USP33: variants seen among roughly 807,000 people sequenced by gnomAD.
The protein encoded by USP33 is ubiquitin specific peptidase 33.
USP33 carries 46 observed loss-of-function variants against 124.2 expected under a neutral mutation model. The observed-to-expected ratio is 0.37, with a 90% CI of 0.29 to 0.47. USP33 has a LOEUF of 0.47. Among genes scored for constraint, USP33 ranks in the 20% least tolerant of loss-of-function variants. The pLI, the probability that USP33 is intolerant of heterozygous loss-of-function variation, is 0.99. For synonymous variants in USP33, 350 were observed against 352.3 expected (o/e 0.99, Z 0.07); for missense variants, 851 against 1,070.6 (o/e 0.79, Z 2.86).
intron 21 of USP33, among the ~76,000 whole-genome samples, chr1:77,710,541 C>T (rs1675129662): frequency 6.6e-6 from 1 of 152,092 alleles, no homozygotes; most frequent in African/African-American, 2.4e-5. Flanking sequence ...GCAAATGAAG[C>T]CCATGTAAAA....
chr1:77,730,850 CT>C, intron 7 of USP33, 119 bp from the exon 8 acceptor site: 1 of 566,798 alleles, frequency 1.8e-6, no homozygotes, highest in Non-Finnish European at 2.8e-6. Flanking sequence ...TCTTTGATCC[CT>C]CTTACAGCTT....
intron 19 of USP33, 33 bp downstream of exon 19, chr1:77,714,581 T>A: frequency 6.3e-7 from 1 of 1,580,438 alleles, no homozygotes; most frequent in Non-Finnish European, 8.6e-7. Flanking sequence ...ACAGCAAACT[T>A]CTACTACCGG....
At chr1:77,709,868 T>C (rs539645694) in intron 21 of USP33, among the ~76,000 whole-genome samples, 2 of 138,382 alleles carry the variant, frequency 1.4e-5, no homozygotes, top group South Asian at 5.4e-4. Flanking sequence ...CAAGTTTCTA[T>C]ACATGCATAC....
chr1:77,714,713 G>A lies in USP33; in HGVS notation c.2116C>T (p.Leu706Phe), dbSNP rs1675667261. The A allele has an allele frequency of 6.2e-7, 1 of 1,612,922 alleles. No individual in the cohort carries two copies. The highest frequency in any genetic ancestry group is 2.2e-5 in the East Asian group (1 of 44,842). The change falls in exon 19 of 24, where the codon CTC becomes TTC. Residue 706 changes from leucine (L) to phenylalanine (F), a missense_variant. Around this residue, in one of 4 missense-constraint regions of USP33, gnomAD observed 281 missense variants for 425.0 expected, o/e 0.66. Transcript: ENST00000370794. ...SNLLNIMEPSLLQFYISRQWL... is the reference protein window; with the variant it reads ...SNLLNIMEPSFLQFYISRQWL... ...TGTCGAGAAATATAAAACTGAAGGA[G>A]GCTTGGTTCCATTATGTTCAATAAA...
chr1:77,732,551 A>T (rs2101489795), intron 7 of USP33, among the ~76,000 whole-genome samples: 2 of 152,304 alleles, frequency 1.3e-5, no homozygotes, highest in Middle Eastern at 3.4e-3. Context: ...ATGGTATCGT[A>T]CTACTATGAG....
Position 77,739,316 on chromosome 1 carries a change from A to G in USP33, c.300T>C (p.Pro100=), listed in dbSNP as rs116240705. 1,159 of 1,613,928 alleles carry G rather than the reference A, an allele frequency of 7.2e-4. 6 individuals are homozygous for G. The African/African-American group carries it at 0.012, about 17-fold the overall frequency. The stretch of plus-strand genomic sequence containing the variant: ...GAGGTTGTCTTACATGAGGCAATGA[A>G]GGCTGAGTTCCTAATTTCCTATCCA... ...VFLDRKLGTQ[P]SLPHVRQPHQ... The change falls in exon 5 of 24, where the codon CCT becomes CCC. Residue 100 remains proline (P), a synonymous_variant. Transcript: ENST00000370794.
rs1228468579 is a variant in USP33, at chr1:77,746,055, GAC to G, written c.-51-4309_-51-4308del. ...TCAGAGCAGAACTGAAGGAAATAGA[GAC>G]ACAAAAAACCCTTCAAAAAATTAAT... On this transcript the variant is annotated intron_variant, in intron 1 of 23. Transcript: ENST00000370794. 4.0e-5 allele frequency among the ~76,000 whole-genome samples: 6 copies of G among 151,836 alleles called. No individual in the cohort carries two copies. The South Asian group carries it at 1.0e-3, about 26-fold the overall frequency.
intron 14 of USP33, 74 bp downstream of exon 14, chr1:77,721,757 C>T (rs1175649317): frequency 7.4e-7 from 1 of 1,358,500 alleles, no homozygotes; most frequent in African/African-American, 1.5e-5. Context: ...TTTATGAATA[C>T]ACTTTATTAT....
chr1:77,713,265 T>C lies in USP33; in HGVS notation c.2232A>G (p.Lys744=). 4.5e-6 allele frequency: 7 copies of C among 1,572,072 alleles called. No homozygotes were observed. The highest frequency in any genetic ancestry group is 6.0e-6 in the Non-Finnish European group (7 of 1,167,634). ...LCIHGGVPPR[K]AGYIEDLVLM... ...AAACCAGGTCTTCAATATAACCAGC[T>C]TTTCTTGGAGGAACACCTAAAAAAA... Residue 744 remains lysine, a synonymous_variant, in exon 20 of 24, where the codon AAA becomes AAG. Transcript: ENST00000370794.
chr1:77,728,346 C>A lies in USP33; in HGVS notation c.1084G>T (p.Asp362Tyr). The A allele has an allele frequency of 6.2e-7, 1 of 1,608,386 alleles. No individual in the cohort carries two copies. The highest frequency in any genetic ancestry group is 1.1e-5 in the South Asian group (1 of 89,220). ...TTGACAGTTTCCTGGTTGTTTAAGT[C>A]GACTGTTTCAGATATAGAGTCTCTA... ...KDRDSISETV[D>Y]LNNQETVKVQ... The change falls in exon 10 of 24, where the codon GAC (aspartate) becomes TAC (tyrosine). Residue 362 changes from aspartate (D) to tyrosine (Y), a missense_variant. Asp to Tyr is a radical substitution (Grantham distance 160, BLOSUM62 -3). Transcript: ENST00000370794.
intron 1 of USP33, among the ~76,000 whole-genome samples, chr1:77,755,365 T>G (rs1410872697): frequency 6.6e-6 from 1 of 152,222 alleles, no homozygotes; most frequent in Non-Finnish European, 1.5e-5. Flanking sequence ...TAATCAAAAC[T>G]GATTCATCTA....
At chr1:77,725,532 ATAAT>A in intron 11 of USP33, 86 bp downstream of exon 11, 1 of 1,465,376 alleles carries the variant, frequency 6.8e-7, no homozygotes, top group African/African-American at 1.4e-5. Context: ...ATCATATTTC[ATAAT>A]TAACACTTTA....
chr1:77,721,654 T>C (rs1314964608), intron 14 of USP33, 177 bp downstream of exon 14: 2 of 571,712 alleles, frequency 3.5e-6, no homozygotes, highest in Non-Finnish European at 6.1e-6. Flanking sequence ...TCCTTCAGGA[T>C]GTGATTTTTC....
At chr1:77,743,348 A>T (rs1318428512) in intron 1 of USP33, among the ~76,000 whole-genome samples, 1 of 152,208 alleles carries the variant, frequency 6.6e-6, no homozygotes, top group East Asian at 1.9e-4. Flanking sequence ...ACATGTGCAC[A>T]ATGTGCAGGT....
chr1:77,710,423 T>C (rs1557820032), intron 21 of USP33, among the ~76,000 whole-genome samples: 1 of 152,246 alleles, frequency 6.6e-6, no homozygotes, highest in African/African-American at 2.4e-5. Flanking sequence ...TTAGAATAGC[T>C]ACTATTAATC....
intron 14 of USP33, 111 bp from the exon 15 acceptor site, chr1:77,721,316 A>T: frequency 8.4e-7 from 1 of 1,194,768 alleles, no homozygotes; most frequent in Non-Finnish European, 1.2e-6. Context: ...CAGAAAAACA[A>T]GGTTCCATTT....
At chr1:77,723,554 A>C in intron 11 of USP33, 111 bp from the exon 12 acceptor site, 1 of 675,904 alleles carries the variant, frequency 1.5e-6, no homozygotes, top group Non-Finnish European at 2.4e-6. Flanking sequence ...AGAATCCTTA[A>C]ACTGTAAAAA....
intron 1 of USP33, 160 bp downstream of exon 1, chr1:77,759,483 C>T (rs959697593): frequency 5.3e-5 from 21 of 396,694 alleles, no homozygotes; most frequent in African/African-American, 2.9e-4. Context: ...GGGCCAAGGC[C>T]TTCTTCCCGC....
chr1:77,757,649 C>G (rs1680921728), intron 1 of USP33, among the ~76,000 whole-genome samples: 1 of 152,188 alleles, frequency 6.6e-6, no homozygotes, highest in Admixed American at 6.5e-5. Flanking sequence ...ATTTTATGTA[C>G]TTCATTTTCT....
Sources: allele counts gnomAD v4.1 joint callset (sites outside exome capture counted in the v4.1 genomes callset), GRCh38; gene constraint gnomAD v4.1.1; regional missense constraint gnomAD v4.1.1; transcripts MANE v1.5; gene names NCBI Gene and HGNC (gene_info 2026-07-23, HGNC 2026-07-21).